The following CDH10 variants were observed in gnomAD, a reference collection of about 807,000 sequenced individuals.
CDH10 encodes the protein cadherin 10.
CDH10 carries 30 observed loss-of-function variants against 73.1 expected under a neutral mutation model. That is an observed-to-expected ratio of 0.41 (90% confidence interval 0.31 to 0.56). The LOEUF (loss-of-function observed/expected upper bound fraction) is 0.56, where lower values mean the gene tolerates loss of function less well. CDH10 is among the 20% of genes least tolerant of loss of function. CDH10 has a pLI of 0.27. For missense variants in CDH10, 815 were observed against 973.7 expected (o/e 0.84, Z 2.17); for synonymous variants, 345 against 348.2 (o/e 0.99, Z 0.10).
At chr5:24,526,157 T>C in intron 5 of CDH10, among the ~76,000 whole-genome samples, 1 of 151,986 alleles carries the variant, frequency 6.6e-6, no homozygotes, top group East Asian at 1.9e-4. Context: ...TCTAAATTTA[T>C]ACCTACTGAG....
chr5:24,597,473 G>A (rs955858021), intron 1 of CDH10, among the ~76,000 whole-genome samples: 2 of 152,086 alleles, frequency 1.3e-5, no homozygotes, highest in African/African-American at 4.8e-5. Context: ...GCTATATGGC[G>A]ACTGCAGTCA....
rs970306300 is a variant in CDH10 at position 24,491,606 on chromosome 5, C to T, written c.1846G>A (p.Ala616Thr). 9 of 1,613,388 alleles carry T rather than the reference C, an allele frequency of 5.6e-6. No individual in the cohort carries two copies. The highest frequency in any genetic ancestry group is 7.6e-6 in the Non-Finnish European group (9 of 1,179,572). ...AGAATGATGATGCAGAGGAGGATGG[C>T]GATCAAGGCCCCAGTGCTGAGGCCG... ...PAGLSTGALIAILLCIIILLV... is the reference protein window; with the variant it reads ...PAGLSTGALITILLCIIILLV... The change falls in exon 11 of 12, where the codon GCC becomes ACC. Residue 616 changes from alanine to threonine, a missense_variant. Physicochemically the swap from Ala to Thr is moderately conservative, Grantham distance 58. This residue lies in a region of CDH10 where 241 missense variants were observed against 240.3 expected (regional missense o/e 1.00). Transcript: ENST00000264463.
chr5:24,609,816 C>G (rs969694306), intron 1 of CDH10: 1 of 152,264 alleles, frequency 6.6e-6, no homozygotes, highest in Non-Finnish European at 1.5e-5. Flanking sequence ...TGCTGATACT[C>G]TCCTAATTCC....
intron 1 of CDH10, among the ~76,000 whole-genome samples, chr5:24,618,249 A>C (rs911001202): frequency 6.6e-6 from 1 of 152,202 alleles, no homozygotes; most frequent in African/African-American, 2.4e-5. Context: ...GAGTCTCTGG[A>C]AACTGCACTC....
intron 5 of CDH10, among the ~76,000 whole-genome samples, chr5:24,533,885 C>A (rs528414773): frequency 6.6e-6 from 1 of 152,122 alleles, no homozygotes; most frequent in East Asian, 1.9e-4. Flanking sequence ...CAGCAGCAGA[C>A]CTGATGGGCA....
intron 4 of CDH10, 90 bp downstream of exon 4, chr5:24,535,613 A>G (rs1451454297): frequency 8.6e-7 from 1 of 1,156,436 alleles, no homozygotes; most frequent in African/African-American, 1.5e-5. Context: ...TATTAATGTT[A>G]AGGTTTTGTT....
At chr5:24,556,065 T>C (rs1744760084) in intron 2 of CDH10, among the ~76,000 whole-genome samples, 3 of 152,134 alleles carry the variant, frequency 2.0e-5, no homozygotes, top group Admixed American at 1.3e-4. Context: ...ATATAACTTA[T>C]TGTTGAGAAG....
chr5:24,526,955 C>G (rs1451213820), intron 5 of CDH10, among the ~76,000 whole-genome samples: 4 of 151,750 alleles, frequency 2.6e-5, no homozygotes, highest in Non-Finnish European at 5.9e-5. Context: ...TCCCCTTTAA[C>G]AACAATAACC....
chr5:24,607,824 T>G (rs1407431105), intron 1 of CDH10, among the ~76,000 whole-genome samples: 1 of 152,216 alleles, frequency 6.6e-6, no homozygotes, highest in Non-Finnish European at 1.5e-5. Flanking sequence ...TCATTAATAT[T>G]TTAAATGTTT....
At chr5:24,600,079 T>C (rs1746508019) in intron 1 of CDH10, among the ~76,000 whole-genome samples, 1 of 152,188 alleles carries the variant, frequency 6.6e-6, no homozygotes, top group African/African-American at 2.4e-5. Context: ...CCTGACTCAA[T>C]TCTAAATTGT....
intron 5 of CDH10, among the ~76,000 whole-genome samples, chr5:24,511,722 G>T (rs557936525): frequency 1.3e-5 from 2 of 152,094 alleles, no homozygotes; most frequent in African/African-American, 4.8e-5. Flanking sequence ...AACTTCCGGG[G>T]CTTTTGTCTG....
intron 5 of CDH10, among the ~76,000 whole-genome samples, chr5:24,521,591 A>T (rs770098268): frequency 6.6e-6 from 1 of 152,072 alleles, no homozygotes; most frequent in African/African-American, 2.4e-5. Flanking sequence ...GAGCCTGGGC[A>T]ACAAGAGTGA....
intron 8 of CDH10, among the ~76,000 whole-genome samples, chr5:24,502,312 G>T (rs10520914): frequency 0.34 from 52,103 of 152,012 alleles, 10,917 homozygotes; most frequent in East Asian, 0.55. Context: ...AGTGGTGCCT[G>T]CCATATGATG....
chr5:24,537,368 A>G lies in CDH10; in HGVS notation c.526+12T>C. Reference sequence around the variant, plus strand: ...TTTTGAATACCATCATAAACGCTGTAAATGAACTTACCTACAACAGACATT... The same window carrying G: ...TTTTGAATACCATCATAAACGCTGTGAATGAACTTACCTACAACAGACATT... On this transcript the variant is annotated intron_variant, in intron 3 of 11. Transcript: ENST00000264463. The G allele has an allele frequency of 6.3e-7, 1 of 1,581,216 alleles. No homozygotes were observed. The highest frequency in any genetic ancestry group is 8.6e-7 in the Non-Finnish European group (1 of 1,159,154).
At chr5:24,496,291 T>A (rs2111670838) in intron 9 of CDH10, among the ~76,000 whole-genome samples, 1 of 152,268 alleles carries the variant, frequency 6.6e-6, no homozygotes, top group East Asian at 1.9e-4. Flanking sequence ...AAATGTATTT[T>A]ATTTACTTAA....
chr5:24,642,278 G>A (rs530926146), intron 1 of CDH10, among the ~76,000 whole-genome samples: 49 of 152,138 alleles, frequency 3.2e-4, no homozygotes, highest in African/African-American at 1.1e-3. Flanking sequence ...ATCACTTACT[G>A]CAAAGTAGGT....
chr5:24,542,899 A>C (rs79208003), intron 2 of CDH10, among the ~76,000 whole-genome samples: 3,132 of 152,132 alleles, frequency 0.021, 106 homozygotes, highest in African/African-American at 0.072. Flanking sequence ...CAAAGGCCCC[A>C]CCTCCTAAAA....
At position 24,509,584 on chromosome 5, in the gene CDH10, G is replaced by C. The variant is rs1395027; in HGVS notation, c.1238C>G (p.Ser413Cys). The change falls in exon 7 of 12, where the codon TCT (serine) becomes TGT (cysteine). Residue 413 changes from serine (S) to cysteine (C), a missense_variant. By Grantham distance (112) the Ser-to-Cys change is moderately radical. Transcript: ENST00000264463. Reference protein sequence around the residue: ...IGTVMARDPDSISSPIRFSLD... With the variant: ...IGTVMARDPDCISSPIRFSLD... ...CACTTACCTAATGGGGCTGGAAATA[G>C]AATCTGGGTCCCTTGCCATTACAGT... 1 of 1,613,900 alleles carries C rather than the reference G, an allele frequency of 6.2e-7. No homozygotes were observed. Among genetic ancestry groups the C allele is most frequent in the Non-Finnish European group, 8.5e-7 (1 of 1,179,914 alleles).
chr5:24,578,276 CAT>C (rs753791150), intron 2 of CDH10: 1 of 211,172 alleles, frequency 4.7e-6, no homozygotes, highest in Non-Finnish European at 1.1e-5. Context: ...CAGAAATGTT[CAT>C]AGAGTTCACC....
Sources: allele counts gnomAD v4.1 joint callset (sites outside exome capture counted in the v4.1 genomes callset), GRCh38; gene constraint gnomAD v4.1.1; regional missense constraint gnomAD v4.1.1; transcripts MANE v1.5; gene names NCBI Gene and HGNC (gene_info 2026-07-23, HGNC 2026-07-21).